Variants in RBM46 observed in about 807,000 individuals in gnomAD.
RBM46 encodes RNA binding motif protein 46, also known as probable RNA-binding protein 46.
In RBM46, 12 loss-of-function variants were observed where a neutral mutation model predicts 43.3. The observed-to-expected ratio is 0.28, with a 90% CI of 0.18 to 0.45. The LOEUF (loss-of-function observed/expected upper bound fraction) is 0.45, where lower values mean the gene tolerates loss of function less well. Ranked by LOEUF, RBM46 falls within the 20% of genes least tolerant of loss-of-function variation. The probability of loss-of-function intolerance (pLI) is 1.00; values close to 1 mark genes in which losing one functional copy is unlikely to be tolerated. For missense variants in RBM46, 412 were observed against 639.1 expected, an observed-to-expected ratio of 0.64 and a Z score of 3.83; for synonymous variants, 205 against 207.6, an observed-to-expected ratio of 0.99 and a Z score of 0.11.
At chr4:154,800,044 T>G (rs999475803) in intron 4 of RBM46, among the ~76,000 whole-genome samples, 3 of 152,196 alleles carry the variant, frequency 2.0e-5, no homozygotes, top group African/African-American at 7.2e-5. Flanking sequence ...GTGCTGGGAT[T>G]ACAGGCGTGA....
intron 4 of RBM46, chr4:154,820,486 C>T: frequency 1.1e-6 from 1 of 915,920 alleles, no homozygotes; most frequent in Non-Finnish European, 1.6e-6. Flanking sequence ...TGTCAGAAAA[C>T]CAGTTTCAAA....
At chr4:154,805,875 A>C (rs1734881645) in intron 4 of RBM46, among the ~76,000 whole-genome samples, 1 of 151,944 alleles carries the variant, frequency 6.6e-6, no homozygotes, top group Admixed American at 6.6e-5. Flanking sequence ...GAAAAATAAT[A>C]CTTTTCAGAA....
chr4:154,822,130 A>G (rs1735747323), intron 4 of RBM46, among the ~76,000 whole-genome samples: 1 of 151,788 alleles, frequency 6.6e-6, no homozygotes, highest in South Asian at 2.1e-4. Context: ...CAAAATGCCC[A>G]TACTTAAAGT....
intron 1 of RBM46, among the ~76,000 whole-genome samples, chr4:154,786,240 C>T (rs1288468016): frequency 6.6e-6 from 1 of 152,044 alleles, no homozygotes; most frequent in African/African-American, 2.4e-5. Context: ...GCGCATGCCA[C>T]CATGCCTGGC....
chr4:154,783,934 A>AAGTGT (rs1414732629), intron 1 of RBM46, among the ~76,000 whole-genome samples: 2 of 152,172 alleles, frequency 1.3e-5, no homozygotes, highest in African/African-American at 4.8e-5. Flanking sequence ...CAAGAACGAG[A>AAGTGT]AGTGTAGTGG....
At chr4:154,784,198 A>G (rs1733646799) in intron 1 of RBM46, among the ~76,000 whole-genome samples, 1 of 152,224 alleles carries the variant, frequency 6.6e-6, no homozygotes, top group Admixed American at 6.5e-5. Context: ...ACCCACAGTA[A>G]GATTATATAA....
At chr4:154,791,634 C>T (rs554848235) in intron 1 of RBM46, among the ~76,000 whole-genome samples, 3 of 152,116 alleles carry the variant, frequency 2.0e-5, no homozygotes, top group African/African-American at 7.2e-5. Context: ...GAAAGTTAAC[C>T]AGGAAAGAGA....
At chr4:154,800,331 T>C (rs1235700980) in intron 4 of RBM46, among the ~76,000 whole-genome samples, 1 of 152,202 alleles carries the variant, frequency 6.6e-6, no homozygotes, top group Non-Finnish European at 1.5e-5. Context: ...AGATGGGTCG[T>C]GTGTAGACAC....
chr4:154,798,649 G>A, intron 3 of RBM46, 133 bp from the exon 4 acceptor site: 1 of 677,160 alleles, frequency 1.5e-6, no homozygotes, highest in Non-Finnish European at 2.2e-6. Context: ...TGTGTGAATA[G>A]GAAACAAATG....
At chr4:154,784,880 T>A (rs1332938511) in intron 1 of RBM46, among the ~76,000 whole-genome samples, 2 of 152,220 alleles carry the variant, frequency 1.3e-5, no homozygotes, top group African/African-American at 4.8e-5. Flanking sequence ...TTCTTGGATA[T>A]TTAGGTAACA....
intron 4 of RBM46, among the ~76,000 whole-genome samples, chr4:154,812,932 C>A (rs756088560): frequency 1.3e-5 from 2 of 152,074 alleles, no homozygotes; most frequent in African/African-American, 2.4e-5. Context: ...CCCAAAATGA[C>A]TTTTTCTTTA....
intron 4 of RBM46, among the ~76,000 whole-genome samples, chr4:154,821,407 C>T (rs1180356144): frequency 6.6e-6 from 1 of 151,372 alleles, no homozygotes; most frequent in Non-Finnish European, 1.5e-5. Context: ...TTTTTTTTAA[C>T]CTATACTGAA....
chr4:154,825,568 A>G (rs1735918392), intron 4 of RBM46, among the ~76,000 whole-genome samples: 1 of 152,194 alleles, frequency 6.6e-6, no homozygotes, highest in South Asian at 2.1e-4. Context: ...GATTTATGCT[A>G]CATGAATAAA....
In RBM46 at chr4:154,793,048, A is replaced by G. The variant is rs921730290; in HGVS notation, c.-11-3694A>G. Among the ~76,000 whole-genome samples, 8 of 152,222 alleles carry G rather than the reference A, an allele frequency of 5.3e-5. 1 individual carries two copies. The highest frequency in any genetic ancestry group is 1.9e-4 in the African/African-American group (8 of 41,450). On this transcript the variant is annotated intron_variant, in intron 1 of 4. Coordinates refer to ENST00000281722, the MANE Select transcript of RBM46 (RefSeq NM_144979.5). ...AAAGTTCCTTGTAAATTATTTCAACATTTTTATATTCCTACACAGCCATCT... is the reference window on the plus strand; with the variant it reads ...AAAGTTCCTTGTAAATTATTTCAACGTTTTTATATTCCTACACAGCCATCT...
chr4:154,790,511 C>T (rs1335581274), intron 1 of RBM46: 3 of 152,088 alleles, frequency 2.0e-5, no homozygotes, highest in Non-Finnish European at 4.4e-5. Flanking sequence ...TTAAAAAAAG[C>T]AAAATGAGTT....
At chr4:154,800,235 G>A (rs1015142635) in intron 4 of RBM46, among the ~76,000 whole-genome samples, 1 of 151,914 alleles carries the variant, frequency 6.6e-6, no homozygotes, top group Admixed American at 6.6e-5. Flanking sequence ...ATTTATTATA[G>A]AGTGTCCCTG....
At chr4:154,806,006 C>T (rs1467520568) in intron 4 of RBM46, among the ~76,000 whole-genome samples, 1 of 151,850 alleles carries the variant, frequency 6.6e-6, no homozygotes, top group Non-Finnish European at 1.5e-5. Flanking sequence ...GAGAAATAGG[C>T]ATCAGGATCA....
At chr4:154,783,160 G>A (rs977759912) in intron 1 of RBM46, among the ~76,000 whole-genome samples, 4 of 152,182 alleles carry the variant, frequency 2.6e-5, no homozygotes, top group Non-Finnish European at 5.9e-5. Context: ...TGACAGTGCT[G>A]CCTGCAATCA....
intron 4 of RBM46, among the ~76,000 whole-genome samples, chr4:154,801,507 A>C (rs73855232): frequency 0.044 from 6,729 of 152,268 alleles, 472 homozygotes; most frequent in African/African-American, 0.15. Flanking sequence ...AAATAATTCA[A>C]ATTAAGTTTC....
Sources: gnomAD v4.1 joint callset for allele counts (sites outside exome capture counted in the v4.1 genomes callset) on GRCh38, gnomAD v4.1.1 for gene constraint, MANE v1.5 for transcripts, NCBI Gene and HGNC (gene_info 2026-07-23, HGNC 2026-07-21) for gene names.